Variants in AUTS2 observed in about 807,000 individuals in gnomAD.
AUTS2 encodes the protein autism susceptibility gene 2 protein.
A neutral mutation model predicts 112.4 loss-of-function variants in AUTS2; 17 were observed. That is an observed-to-expected ratio of 0.15 (90% CI 0.10 to 0.23). AUTS2 has a LOEUF of 0.23. Among genes scored for constraint, AUTS2 ranks in the 10% least tolerant of loss-of-function variants. AUTS2 has a pLI of 1.00. For synonymous variants in AUTS2, 751 were observed against 702.7 expected (o/e 1.07, Z -1.09); for missense variants, 1,510 against 1,701.6 (o/e 0.89, Z 1.98).
chr7:70,155,348 AAG>A (rs932875698), intron 4 of AUTS2, among the ~76,000 whole-genome samples: 3 of 152,138 alleles, frequency 2.0e-5, no homozygotes, highest in African/African-American at 7.2e-5. Context: ...AAGAGGTAGA[AAG>A]AGAAAATCTT....
chr7:69,790,952 C>G (rs1399227801), intron 1 of AUTS2, among the ~76,000 whole-genome samples: 1 of 152,238 alleles, frequency 6.6e-6, no homozygotes, highest in East Asian at 1.9e-4. Flanking sequence ...GTTATTCCCT[C>G]TCTAGCCTTA....
chr7:70,752,755 C>T (rs1788948423), intron 6 of AUTS2, among the ~76,000 whole-genome samples: 1 of 152,160 alleles, frequency 6.6e-6, no homozygotes, highest in Non-Finnish European at 1.5e-5. Context: ...TTTAAGGATG[C>T]CATACCCACC....
intron 4 of AUTS2, among the ~76,000 whole-genome samples, chr7:70,198,455 A>C (rs1207340618): frequency 1.3e-5 from 2 of 150,554 alleles, no homozygotes; most frequent in South Asian, 4.2e-4. Context: ...AAAATTTAGA[A>C]GAATGTATAA....
intron 5 of AUTS2, among the ~76,000 whole-genome samples, chr7:70,645,617 T>G (rs1806118230): frequency 6.6e-6 from 1 of 152,196 alleles, no homozygotes; most frequent in Non-Finnish European, 1.5e-5. Context: ...GCAAGAGATG[T>G]ATCTTGCCTT....
At chr7:70,031,488 AT>A (rs1311207042) in intron 2 of AUTS2, among the ~76,000 whole-genome samples, 2 of 152,182 alleles carry the variant, frequency 1.3e-5, no homozygotes, top group African/African-American at 4.8e-5. Flanking sequence ...TACACAGTAA[AT>A]TAGTTCAATC....
chr7:70,757,825 T>TA (rs1789315216), intron 6 of AUTS2, among the ~76,000 whole-genome samples: 1 of 140,482 alleles, frequency 7.1e-6, no homozygotes, highest in Admixed American at 7.1e-5. Context: ...TTTTTTTTTT[T>TA]TTTTTTTGGA....
intron 4 of AUTS2, among the ~76,000 whole-genome samples, chr7:70,243,205 A>C (rs912209057): frequency 6.6e-6 from 1 of 150,740 alleles, no homozygotes; most frequent in South Asian, 2.1e-4. Flanking sequence ...TTTTCCTTTA[A>C]AAAATAGAGA....
intron 4 of AUTS2, among the ~76,000 whole-genome samples, chr7:70,280,592 G>A (rs368693092): frequency 2.6e-5 from 4 of 151,824 alleles, no homozygotes; most frequent in East Asian, 1.9e-4. Context: ...CACTGTGCCC[G>A]GCCAAATAAG....
intron 1 of AUTS2, among the ~76,000 whole-genome samples, chr7:69,817,191 T>C (rs890948653): frequency 1.3e-5 from 2 of 152,196 alleles, no homozygotes; most frequent in African/African-American, 4.8e-5. Flanking sequence ...AATATGAAAA[T>C]AGAAGACTGA....
intron 4 of AUTS2, among the ~76,000 whole-genome samples, chr7:70,370,683 T>G (rs908929068): frequency 1.3e-5 from 2 of 152,194 alleles, no homozygotes; most frequent in African/African-American, 4.8e-5. Flanking sequence ...TTCATTTCTC[T>G]TAGACATATA....
At chr7:69,951,731 G>GA (rs1797034802) in intron 2 of AUTS2, among the ~76,000 whole-genome samples, 1 of 152,196 alleles carries the variant, frequency 6.6e-6, no homozygotes, top group Non-Finnish European at 1.5e-5. Context: ...CTTGCACTGT[G>GA]AAGTGTGATT....
chr7:70,774,952 G>A (rs978695579), intron 12 of AUTS2: 3 of 197,124 alleles, frequency 1.5e-5, no homozygotes, highest in African/African-American at 7.0e-5. Flanking sequence ...CTGGATGGAT[G>A]GAAAGGACAC....
At chr7:70,580,974 G>A (rs1486773216) in intron 5 of AUTS2, among the ~76,000 whole-genome samples, 2 of 152,148 alleles carry the variant, frequency 1.3e-5, no homozygotes, top group Non-Finnish European at 2.9e-5. Context: ...GCTGGGTGTG[G>A]TGGCCCATAC....
chr7:70,187,555 C>CT (rs1313905762), intron 4 of AUTS2, among the ~76,000 whole-genome samples: 1 of 152,108 alleles, frequency 6.6e-6, no homozygotes, highest in Non-Finnish European at 1.5e-5. Context: ...AAAAATTAGA[C>CT]TGCAGTAAAG....
At chr7:69,966,900 A>G (rs140683381) in intron 2 of AUTS2, among the ~76,000 whole-genome samples, 3 of 152,304 alleles carry the variant, frequency 2.0e-5, no homozygotes, top group Admixed American at 1.3e-4. Context: ...TAAAGCGTCA[A>G]TCATTTTTCC....
At chr7:70,261,070 C>T (rs547810182) in intron 4 of AUTS2, among the ~76,000 whole-genome samples, 79 of 151,952 alleles carry the variant, frequency 5.2e-4, no homozygotes, top group African/African-American at 1.9e-3. Flanking sequence ...TTTGTAATAG[C>T]CAAAAACTGG....
At chr7:70,204,742 T>TA (rs1234124006) in intron 4 of AUTS2, among the ~76,000 whole-genome samples, 1 of 152,132 alleles carries the variant, frequency 6.6e-6, no homozygotes, top group African/African-American at 2.4e-5. Context: ...TGGTAACCAA[T>TA]AAATGTTGAA....
At position 70,001,710 on chromosome 7, in the gene AUTS2, ATT is replaced by A. The variant is rs35638538; in HGVS notation, c.522+102230_522+102231del. ...AATTGAATTATAGCCTCATTGTCAT[ATT>A]TTTTTTTTTTTTTTTTTGAGACTGA... On this transcript the variant is annotated intron_variant, in intron 2 of 18. Coordinates refer to ENST00000342771, the MANE Select transcript of AUTS2 (RefSeq NM_015570.4). 1.6e-3 allele frequency among the ~76,000 whole-genome samples: 211 copies of A among 132,738 alleles called. 3 individuals are homozygous for A. In the South Asian group the frequency reaches 0.021, roughly 14 times the overall value. 87.1% of individuals were successfully genotyped at this position (132,738 alleles called of 152,430 possible). A position where few individuals can be genotyped will look rare whatever the true frequency, so the allele number is the denominator to read the frequency against.
intron 5 of AUTS2, among the ~76,000 whole-genome samples, chr7:70,445,658 A>C (rs1488550893): frequency 6.6e-6 from 1 of 152,218 alleles, no homozygotes; most frequent in African/African-American, 2.4e-5. Flanking sequence ...AAGTCAGCCC[A>C]TGATTAATTA....
Sources: allele counts gnomAD v4.1 joint callset (sites outside exome capture counted in the v4.1 genomes callset), GRCh38; gene constraint gnomAD v4.1.1; transcripts MANE v1.5; gene names NCBI Gene and HGNC (gene_info 2026-07-23, HGNC 2026-07-21).